NRG1: variants seen among roughly 807,000 people sequenced by gnomAD.
NRG1 encodes the protein pro-neuregulin-1, membrane-bound isoform.
In NRG1, 18 loss-of-function variants were observed where a neutral mutation model predicts 63.8. The ratio of observed to expected loss-of-function variants is 0.28; its 90% CI spans 0.19 to 0.42. NRG1 has a LOEUF of 0.42. Among genes scored for constraint, NRG1 ranks in the 10% least tolerant of loss-of-function variants. The pLI is 1.00. For synonymous variants in NRG1, 302 were observed against 301.3 expected (o/e 1.00, Z -0.02); for missense variants, 762 against 814.7 (o/e 0.94, Z 0.79).
At chr8:32,036,334 TG>T (rs139373697) in intron 1 of NRG1, among the ~76,000 whole-genome samples, 68,159 of 151,566 alleles carry the variant, frequency 0.45, 17,774 homozygotes, top group South Asian at 0.6. Context: ...ATAAGTGACC[TG>T]GCCTTTTTCT....
chr8:32,117,367 G>C (rs1832871545), intron 1 of NRG1, among the ~76,000 whole-genome samples: 1 of 152,058 alleles, frequency 6.6e-6, no homozygotes. Context: ...TTTGTGGTTT[G>C]GTTGTTGTCG....
intron 1 of NRG1, among the ~76,000 whole-genome samples, chr8:32,253,569 G>A (rs1304856431): frequency 1.3e-5 from 2 of 152,162 alleles, no homozygotes; most frequent in Non-Finnish European, 2.9e-5. Context: ...TAAGCTTTTT[G>A]ATGTGCTGCT....
intron 1 of NRG1, among the ~76,000 whole-genome samples, chr8:32,560,299 AAAAT>A (rs1563648174): frequency 2.0e-5 from 3 of 152,186 alleles, no homozygotes; most frequent in African/African-American, 2.4e-5. Flanking sequence ...TTAATTAAAA[AAAAT>A]AAATAAACCA....
chr8:32,061,183 C>T (rs1294241456), intron 1 of NRG1, among the ~76,000 whole-genome samples: 1 of 151,898 alleles, frequency 6.6e-6, no homozygotes, highest in African/African-American at 2.4e-5. Flanking sequence ...ATAATAATTA[C>T]ATACCTAGAG....
intron 1 of NRG1, chr8:32,026,123 CA>C (rs1586568168): frequency 6.7e-6 from 1 of 149,148 alleles, no homozygotes; most frequent in East Asian, 2.0e-4. Flanking sequence ...GGCTGGAGTG[CA>C]GCGGCAGGAT....
intron 4 of NRG1, among the ~76,000 whole-genome samples, chr8:32,615,883 G>A (rs372943804): frequency 2.0e-5 from 3 of 151,274 alleles, no homozygotes; most frequent in Admixed American, 6.6e-5. Flanking sequence ...GAGAAAAAAA[G>A]AAAAAAAATC....
chr8:32,122,574 A>T (rs548223523), intron 1 of NRG1, among the ~76,000 whole-genome samples: 1 of 152,102 alleles, frequency 6.6e-6, no homozygotes, highest in East Asian at 1.9e-4. Flanking sequence ...AAATTGCTGT[A>T]CATATTGACA....
Position 31,640,004 on chromosome 8 carries a change from C to A in NRG1, c.37+573C>A, listed in dbSNP as rs1803578276. The A allele has an allele frequency of 2.7e-6, 3 of 1,125,756 alleles. No homozygotes were observed. The highest frequency in any genetic ancestry group is 5.0e-5 in the Admixed American group (1 of 20,092). The allele number at this position is 1,125,756 out of a possible 1,614,324, so 69.7% of individuals were successfully genotyped here. On this transcript the variant is annotated intron_variant, in intron 1 of 10. Transcript: ENST00000519301. This position sits in a 1 kb window ranked among gnomAD's most constrained non-coding sequence, Gnocchi z 6.3. ...CGCACCATGAGATGGCGACGCGCCCCGCGCCGCTCCGGGCGTCCCGGCCCC... is the reference window on the plus strand; with the variant it reads ...CGCACCATGAGATGGCGACGCGCCCAGCGCCGCTCCGGGCGTCCCGGCCCC...
At chr8:32,560,731 A>C (rs924240451) in intron 1 of NRG1, among the ~76,000 whole-genome samples, 2 of 152,188 alleles carry the variant, frequency 1.3e-5, no homozygotes, top group Non-Finnish European at 2.9e-5. Flanking sequence ...AATGAATTGG[A>C]ATTAGAGGTT....
intron 5 of NRG1, among the ~76,000 whole-genome samples, chr8:32,653,840 A>G (rs1209037895): frequency 6.6e-6 from 1 of 152,204 alleles, no homozygotes; most frequent in African/African-American, 2.4e-5. Context: ...CTGAATAAAG[A>G]CATGAGTTCA....
intron 1 of NRG1, among the ~76,000 whole-genome samples, chr8:31,641,602 A>G (rs541657929): frequency 2.0e-5 from 3 of 152,324 alleles, no homozygotes; most frequent in Admixed American, 2.0e-4. Flanking sequence ...CTGAGGTAGC[A>G]TTATGTTTAT....
intron 1 of NRG1, among the ~76,000 whole-genome samples, chr8:31,649,285 G>C (rs563887582): frequency 6.6e-6 from 1 of 152,240 alleles, no homozygotes. Context: ...GCTTTTTGGA[G>C]GAGCTATCAT....
At chr8:32,583,950 A>G (rs1841161731) in intron 1 of NRG1, among the ~76,000 whole-genome samples, 1 of 152,214 alleles carries the variant, frequency 6.6e-6, no homozygotes, top group East Asian at 1.9e-4. Flanking sequence ...AGAAAATTGT[A>G]TTACATTCTG....
intron 1 of NRG1, among the ~76,000 whole-genome samples, chr8:31,775,108 ACAAAT>A (rs1818993329): frequency 1.3e-5 from 2 of 152,222 alleles, no homozygotes; most frequent in Admixed American, 1.3e-4. Flanking sequence ...ACAAAAGAAA[ACAAAT>A]CATTTTATTA....
chr8:32,470,786 C>T (rs1207894470), intron 1 of NRG1, among the ~76,000 whole-genome samples: 1 of 151,876 alleles, frequency 6.6e-6, no homozygotes, highest in Non-Finnish European at 1.5e-5. Context: ...CACCGTCTCC[C>T]TACCCTCGTT....
chr8:32,328,956 T>G (rs78340540), intron 1 of NRG1, among the ~76,000 whole-genome samples: 2,619 of 151,460 alleles, frequency 0.017, 67 homozygotes, highest in African/African-American at 0.06. Flanking sequence ...GTTAAAACCC[T>G]TAAAATCTAC....
intron 1 of NRG1, among the ~76,000 whole-genome samples, chr8:31,783,364 T>A (rs1819874149): frequency 6.6e-6 from 1 of 152,176 alleles, no homozygotes. Flanking sequence ...AGTTAACATT[T>A]GCTGGAGATG....
At chr8:31,821,044 AC>A (rs1215514591) in intron 1 of NRG1, among the ~76,000 whole-genome samples, 1 of 152,198 alleles carries the variant, frequency 6.6e-6, no homozygotes, top group Non-Finnish European at 1.5e-5. Context: ...TTTCCTGTAT[AC>A]TTTATATCAT....
intron 1 of NRG1, among the ~76,000 whole-genome samples, chr8:31,959,229 C>T (rs903034241): frequency 2.6e-5 from 4 of 152,172 alleles, no homozygotes; most frequent in African/African-American, 4.8e-5. Flanking sequence ...TTGGCATACA[C>T]ATTGGACTTG....
Sources: gnomAD v4.1 joint callset for allele counts (sites outside exome capture counted in the v4.1 genomes callset) on GRCh38, gnomAD v4.1.1 for gene constraint, Gnocchi (gnomAD v3.1) non-coding constraint, MANE v1.5 for transcripts, NCBI Gene and HGNC (gene_info 2026-07-23, HGNC 2026-07-21) for gene names.